Variants in MARCHF11 observed in about 807,000 individuals in gnomAD.
MARCHF11 encodes E3 ubiquitin-protein ligase MARCHF11.
A neutral mutation model predicts 37.3 loss-of-function variants in MARCHF11; 29 were observed. The observed-to-expected ratio is 0.78, with a 90% confidence interval of 0.58 to 1.06. The LOEUF (loss-of-function observed/expected upper bound fraction) is 1.06. Ranked by LOEUF, MARCHF11 falls within the 50% of genes least tolerant of loss-of-function variation. The pLI, the probability that MARCHF11 is intolerant of heterozygous loss-of-function variation, is 0.00. For missense variants in MARCHF11, 482 were observed against 533.4 expected, an observed-to-expected ratio of 0.90 and a Z score of 0.95; for synonymous variants, 233 against 228.0, an observed-to-expected ratio of 1.02 and a Z score of -0.20.
At chr5:16,128,110 C>T (rs563810868) in intron 2 of MARCHF11, among the ~76,000 whole-genome samples, 18 of 152,290 alleles carry the variant, frequency 1.2e-4, no homozygotes, top group Middle Eastern at 6.8e-3. Flanking sequence ...ACCCACGAAA[C>T]CTGCTGAGGG....
At chr5:16,108,446 T>C (rs1737082195) in intron 2 of MARCHF11, among the ~76,000 whole-genome samples, 1 of 152,218 alleles carries the variant, frequency 6.6e-6, no homozygotes, top group Non-Finnish European at 1.5e-5. Flanking sequence ...TGGACATTTT[T>C]AAGTTAAGAA....
At chr5:16,125,607 C>T (rs1737390341) in intron 2 of MARCHF11, among the ~76,000 whole-genome samples, 1 of 148,920 alleles carries the variant, frequency 6.7e-6, no homozygotes, top group Non-Finnish European at 1.5e-5. Flanking sequence ...CTGGTGCACC[C>T]TGGCACACTC....
intron 3 of MARCHF11, among the ~76,000 whole-genome samples, chr5:16,086,769 G>A (rs535773102): frequency 6.6e-6 from 1 of 152,136 alleles, no homozygotes; most frequent in Admixed American, 6.5e-5. Flanking sequence ...CCCTCTTCTG[G>A]TCCCTCAAAC....
intron 1 of MARCHF11, among the ~76,000 whole-genome samples, chr5:16,178,649 CT>C (rs1307898893): frequency 6.6e-6 from 1 of 152,238 alleles, no homozygotes; most frequent in Non-Finnish European, 1.5e-5. Flanking sequence ...GATATGACAT[CT>C]GTCTCAAGAT....
At chr5:16,133,775 C>T (rs1490363594) in intron 2 of MARCHF11, among the ~76,000 whole-genome samples, 1 of 151,974 alleles carries the variant, frequency 6.6e-6, no homozygotes, top group Non-Finnish European at 1.5e-5. Context: ...ACATTAAATA[C>T]ACTAACACTA....
chr5:16,134,228 T>G (rs1227618007), intron 2 of MARCHF11, among the ~76,000 whole-genome samples: 3 of 152,196 alleles, frequency 2.0e-5, no homozygotes, highest in Admixed American at 2.0e-4. Flanking sequence ...TATATATTGC[T>G]GTGGTTTACT....
chr5:16,160,419 T>A (rs1310490182), intron 2 of MARCHF11, among the ~76,000 whole-genome samples: 1 of 146,578 alleles, frequency 6.8e-6, no homozygotes, highest in African/African-American at 2.5e-5. Flanking sequence ...TATAATTTTA[T>A]ATTTATAATA....
intron 2 of MARCHF11, among the ~76,000 whole-genome samples, chr5:16,115,703 C>T (rs1737217652): frequency 6.6e-6 from 1 of 151,570 alleles, no homozygotes; most frequent in Non-Finnish European, 1.5e-5. Flanking sequence ...TCTTGGCTCA[C>T]TGCAACCTCC....
chr5:16,129,584 T>A (rs1318672420), intron 2 of MARCHF11, among the ~76,000 whole-genome samples: 1 of 152,214 alleles, frequency 6.6e-6, no homozygotes, highest in Non-Finnish European at 1.5e-5. Context: ...TATTTTATAT[T>A]CTTATTATGC....
At chr5:16,135,896 A>AG (rs1737605702) in intron 2 of MARCHF11, among the ~76,000 whole-genome samples, 1 of 151,288 alleles carries the variant, frequency 6.6e-6, no homozygotes, top group South Asian at 2.1e-4. Context: ...AAAAAAAAAA[A>AG]AAGAAGGAAG....
intron 2 of MARCHF11, among the ~76,000 whole-genome samples, chr5:16,175,607 A>G (rs1247370235): frequency 1.3e-5 from 2 of 152,224 alleles, no homozygotes; most frequent in Non-Finnish European, 2.9e-5. Flanking sequence ...TGTCATGAAG[A>G]TTAAATATCA....
chr5:16,106,266 CTA>C (rs1376661425), intron 2 of MARCHF11, among the ~76,000 whole-genome samples: 1 of 152,144 alleles, frequency 6.6e-6, no homozygotes, highest in Non-Finnish European at 1.5e-5. Context: ...CAAAATAAGC[CTA>C]TGTCTACCAA....
chr5:16,095,506 G>A (rs1194537974), intron 2 of MARCHF11, among the ~76,000 whole-genome samples: 1 of 141,986 alleles, frequency 7.0e-6, no homozygotes, highest in Non-Finnish European at 1.5e-5. Context: ...GGGAGGGAGG[G>A]AGATCCCTCA....
chr5:16,178,847 G>C (rs1414439338), intron 1 of MARCHF11, among the ~76,000 whole-genome samples, 192 bp downstream of exon 1: 3 of 151,882 alleles, frequency 2.0e-5, no homozygotes, highest in South Asian at 2.1e-4. Context: ...ATTCACCACT[G>C]GGACATTTCT....
chr5:16,174,151 A>C (rs1738318197), intron 2 of MARCHF11, among the ~76,000 whole-genome samples: 1 of 152,202 alleles, frequency 6.6e-6, no homozygotes. Flanking sequence ...CCAACATCTC[A>C]AAGTAAAATT....
At chr5:16,104,680 C>CAAA (rs35879619) in intron 2 of MARCHF11, among the ~76,000 whole-genome samples, 3 of 142,006 alleles carry the variant, frequency 2.1e-5, no homozygotes, top group African/African-American at 7.7e-5. Context: ...CCATTTACCT[C>CAAA]AAAAAAAAAA....
rs146077071 is a variant in MARCHF11 at position 16,140,604 on chromosome 5, A to G, written c.693+37122T>C. 1.1e-3 allele frequency among the ~76,000 whole-genome samples: 168 copies of G among 152,318 alleles called. 2 individuals are homozygous for G. The highest frequency in any genetic ancestry group is 3.9e-3 in the African/African-American group (163 of 41,584). On this transcript the variant is annotated intron_variant, in intron 2 of 3. Coordinates refer to ENST00000332432, the MANE Select transcript of MARCHF11 (RefSeq NM_001102562.3). ...GGAAGGAATGGTTTTGAACCTTTCT[A>G]TGAAATCGACATAACCTCTACACCA...
At chr5:16,074,948 GCC>G (rs1381221336) in intron 3 of MARCHF11, among the ~76,000 whole-genome samples, 1 of 152,180 alleles carries the variant, frequency 6.6e-6, no homozygotes, top group Non-Finnish European at 1.5e-5. Context: ...GAAGTCTGCA[GCC>G]ATCGGCCTGG....
At chr5:16,137,949 G>A (rs147594780) in intron 2 of MARCHF11, among the ~76,000 whole-genome samples, 65 of 152,286 alleles carry the variant, frequency 4.3e-4, no homozygotes, top group African/African-American at 1.3e-3. Flanking sequence ...CTTCTTTCAC[G>A]AAGATATGTT....
Sources: allele counts gnomAD v4.1 joint callset (sites outside exome capture counted in the v4.1 genomes callset), GRCh38; gene constraint gnomAD v4.1.1; transcripts MANE v1.5; gene names NCBI Gene and HGNC (gene_info 2026-07-23, HGNC 2026-07-21).